The following LIFR variants were observed in gnomAD, a reference collection of about 807,000 sequenced individuals.
LIFR encodes the protein leukemia inhibitory factor receptor.
In LIFR, 84 loss-of-function variants were observed where a neutral mutation model predicts 122.2. The ratio of observed to expected loss-of-function variants is 0.69; its 90% CI spans 0.58 to 0.82. The LOEUF is 0.82. LIFR is among the 40% of genes least tolerant of loss of function. LIFR has a pLI of 0.00. For synonymous variants in LIFR, 422 were observed against 434.7 expected (o/e 0.97, Z 0.36); for missense variants, 1,294 against 1,311.6 (o/e 0.99, Z 0.21).
intron 1 of LIFR, chr5:38,550,240 C>T: frequency 1.0e-6 from 1 of 974,216 alleles, no homozygotes. Context: ...TTTAAACAAT[C>T]ATATCCCCAT....
intron 1 of LIFR, among the ~76,000 whole-genome samples, chr5:38,581,112 C>T (rs1017939741): frequency 5.9e-5 from 9 of 152,096 alleles, no homozygotes; most frequent in Admixed American, 5.9e-4. Flanking sequence ...CAAAATGCCT[C>T]ACACATGGTA....
At chr5:38,516,344 A>C (rs778406640) in intron 5 of LIFR, among the ~76,000 whole-genome samples, 1 of 152,210 alleles carries the variant, frequency 6.6e-6, no homozygotes, top group Admixed American at 6.5e-5. Context: ...AGAATCTACA[A>C]GGAACTTAAA....
intron 1 of LIFR, among the ~76,000 whole-genome samples, chr5:38,566,491 A>G (rs1223589274): frequency 6.6e-6 from 1 of 152,158 alleles, no homozygotes; most frequent in Non-Finnish European, 1.5e-5. Flanking sequence ...TTGTATTAAT[A>G]TCTCTATACT....
chr5:38,539,026 T>C (rs1399602627), intron 1 of LIFR, among the ~76,000 whole-genome samples: 1 of 152,104 alleles, frequency 6.6e-6, no homozygotes, highest in Non-Finnish European at 1.5e-5. Context: ...AGTGGCGCGA[T>C]CTCGGCTCAC....
At chr5:38,496,639 A>G (rs1158112904) in intron 12 of LIFR, 44 bp from the exon 13 acceptor site, 1 of 1,404,840 alleles carries the variant, frequency 7.1e-7, no homozygotes. Flanking sequence ...GCAAAACGTG[A>G]CTGTGACTAG....
chr5:38,483,483 G>A (rs1744109676), intron 18 of LIFR, among the ~76,000 whole-genome samples: 1 of 151,944 alleles, frequency 6.6e-6, no homozygotes. Flanking sequence ...GTGCAGTGGT[G>A]CAATCTTGAC....
intron 2 of LIFR, 29 bp from the exon 3 acceptor site, chr5:38,528,869 CACACACACAG>C (rs772118595): frequency 0.047 from 26,929 of 567,384 alleles, 264 homozygotes; most frequent in Admixed American, 0.13. Flanking sequence ...CACACACACA[CACACACACAG>C]ACACACATAA....
chr5:38,500,366 G>A (rs1168945926), intron 11 of LIFR, among the ~76,000 whole-genome samples: 2 of 152,134 alleles, frequency 1.3e-5, no homozygotes, highest in African/African-American at 2.4e-5. Context: ...TCAGATTTTG[G>A]ATTTTTTCTA....
intron 17 of LIFR, among the ~76,000 whole-genome samples, chr5:38,485,178 C>T (rs925797558): frequency 1.3e-5 from 2 of 152,162 alleles, no homozygotes; most frequent in African/African-American, 4.8e-5. Context: ...CATCCATGGC[C>T]TCTCACCGCT....
At chr5:38,512,563 C>CT (rs1167529167) in intron 5 of LIFR, among the ~76,000 whole-genome samples, 1 of 152,114 alleles carries the variant, frequency 6.6e-6, no homozygotes, top group Non-Finnish European at 1.5e-5. Flanking sequence ...TCTATTGAGC[C>CT]TGGAAAGTCA....
upstream of LIFR, among the ~76,000 whole-genome samples, chr5:38,598,851 C>T (rs748437138): frequency 6.6e-6 from 1 of 152,194 alleles, no homozygotes; most frequent in East Asian, 1.9e-4. Context: ...GCTTCTATGC[C>T]TAGCACAATG....
At position 38,481,724 on chromosome 5, in the gene LIFR, G is replaced by T; in HGVS notation, c.3165C>A (p.Val1055=). The T allele has an allele frequency of 1.2e-6, 2 of 1,614,150 alleles. No homozygotes were observed. Among genetic ancestry groups the T allele is most frequent in the Non-Finnish European group, 1.7e-6 (2 of 1,180,018 alleles). The change falls in exon 20 of 20, where the codon GTC becomes GTA. Residue 1055 remains valine (V), a synonymous_variant. Transcript: ENST00000453190. ...PRSIDSNSEI[V]SFGSPCSINS... ...TAATGGAGCATGGACTTCCAAATGA[G>T]ACAATCTCACTGTTGCTGTCTATGG...
intron 16 of LIFR, 30 bp from the exon 17 acceptor site, chr5:38,486,010 A>C (rs937950459): frequency 6.3e-7 from 1 of 1,592,012 alleles, no homozygotes; most frequent in South Asian, 1.1e-5. Context: ...TGTTAGCACT[A>C]ATCTCTAACC....
intron 1 of LIFR, among the ~76,000 whole-genome samples, chr5:38,570,952 C>A (rs2112715429): frequency 6.6e-6 from 1 of 152,270 alleles, no homozygotes; most frequent in Middle Eastern, 3.4e-3. Context: ...TGTATTCATT[C>A]ATTACTCAAA....
At chr5:38,587,128 A>G (rs187675524) in intron 1 of LIFR, among the ~76,000 whole-genome samples, 18 of 152,170 alleles carry the variant, frequency 1.2e-4, no homozygotes, top group Admixed American at 3.3e-4. Context: ...CCCTGGGAAT[A>G]CAGTACTGAA....
intron 4 of LIFR, among the ~76,000 whole-genome samples, chr5:38,524,747 G>A (rs1318633771): frequency 1.3e-5 from 2 of 152,116 alleles, no homozygotes; most frequent in African/African-American, 2.4e-5. Flanking sequence ...GTAGAAAAGA[G>A]CATGAACACA....
chr5:38,522,610 TG>T (rs1561172148), intron 5 of LIFR, among the ~76,000 whole-genome samples: 1 of 152,242 alleles, frequency 6.6e-6, no homozygotes, highest in Non-Finnish European at 1.5e-5. Flanking sequence ...CAGGTTTGTA[TG>T]TGGCCTAGAA....
At chr5:38,486,660 G>A (rs1744300511) in intron 16 of LIFR, among the ~76,000 whole-genome samples, 1 of 152,024 alleles carries the variant, frequency 6.6e-6, no homozygotes, top group African/African-American at 2.4e-5. Context: ...TACAACCACT[G>A]TAAAAGCCAT....
rs1384161542 is a variant in LIFR, at chr5:38,523,526, T to C, written c.454A>G (p.Thr152Ala). 5.0e-6 allele frequency: 8 copies of C among 1,612,864 alleles called. No homozygotes were observed. Among genetic ancestry groups the C allele is most frequent in the East Asian group, 2.2e-5 (1 of 44,832 alleles). The change falls in exon 5 of 20, where the codon ACA becomes GCA. Residue 152 changes from threonine to alanine, a missense_variant. Transcript: ENST00000453190. Reference protein sequence around the residue: ...LNLSADFSTSTLYLKWNDRGS... With the variant: ...LNLSADFSTSALYLKWNDRGS... ...CTGTCGTTCCACTTTAGGTATAATG[T>C]AGAGGTTGAGAAATCAGCAGACAAA...
Sources: gnomAD v4.1 joint callset for allele counts (sites outside exome capture counted in the v4.1 genomes callset) on GRCh38, gnomAD v4.1.1 for gene constraint, MANE v1.5 for transcripts, NCBI Gene and HGNC (gene_info 2026-07-23, HGNC 2026-07-21) for gene names.